Variants in KAZALD1 observed in about 807,000 individuals in gnomAD.
The protein encoded by KAZALD1 is kazal-type serine protease inhibitor domain-containing protein 1.
Under a neutral mutation model 27.7 loss-of-function variants are expected in KAZALD1, and 31 were observed. The observed-to-expected ratio is 1.12, with a 90% CI of 0.84 to 1.51. KAZALD1 has a LOEUF of 1.51. Among genes scored for constraint, KAZALD1 ranks in the 40% most tolerant of loss-of-function variants. KAZALD1 has a pLI of 0.00. For synonymous variants in KAZALD1, 179 were observed against 182.0 expected (o/e 0.98, Z 0.13); for missense variants, 444 against 408.9 (o/e 1.09, Z -0.74).
Position 101,065,783 on chromosome 10 carries a change from A to G in KAZALD1, c.*863A>G, listed in dbSNP as rs1269739862. On this transcript the variant is annotated 3_prime_UTR_variant, in exon 5 of 5. Coordinates refer to ENST00000370200, the MANE Select transcript of KAZALD1 (RefSeq NM_030929.5). ...AGGCTGGAGCCATATGGCTGGAGGG[A>G]AGTTATCTTCCCCGTCTGCCCTCCA... Among the ~76,000 whole-genome samples, 2 of 152,166 alleles carry G rather than the reference A, an allele frequency of 1.3e-5. No homozygotes were observed. Among genetic ancestry groups the G allele is most frequent in the African/African-American group, 4.8e-5 (2 of 41,436 alleles).
At position 101,062,568 on chromosome 10, in the gene KAZALD1, G is replaced by A. The variant is rs752014662; in HGVS notation, c.-25G>A. The A allele has an allele frequency of 6.3e-7, 1 of 1,577,702 alleles. No individual in the cohort carries two copies. The highest frequency in any genetic ancestry group is 2.3e-5 in the East Asian group (1 of 43,340). On this transcript the variant is annotated 5_prime_UTR_variant, in exon 2 of 5. The change creates a new upstream start codon in the 5' untranslated region. Coordinates refer to ENST00000370200, the MANE Select transcript of KAZALD1 (RefSeq NM_030929.5). ...GTGCCCGAACGCGCTGATGCCCCGAGTGCTCGCAGGGCTTCCCGCTAACCA... is the reference window on the plus strand; with the variant it reads ...GTGCCCGAACGCGCTGATGCCCCGAATGCTCGCAGGGCTTCCCGCTAACCA...
At chr10:101,067,302 C>A (rs1022640595), downstream of KAZALD1, 5 of 456,716 alleles carry the variant, frequency 1.1e-5, no homozygotes, top group Middle Eastern at 1.3e-3. Context: ...AGTTGCCAGG[C>A]CTGAAGGCGG....
intron 4 of KAZALD1, 88 bp from the exon 5 acceptor site, chr10:101,064,737 CA>C (rs1939273591): frequency 6.2e-7 from 1 of 1,600,298 alleles, no homozygotes; most frequent in Non-Finnish European, 8.6e-7. Context: ...TGTCTGTATA[CA>C]CAAGCATAGC....
At position 101,064,592 on chromosome 10, in the gene KAZALD1, G is replaced by C. The variant is rs807037; in HGVS notation, c.764G>C (p.Gly255Ala). 0.65 allele frequency: 1,047,746 copies of C among 1,613,692 alleles called. 342,283 individuals are homozygous for C. Among genetic ancestry groups the C allele is most frequent in the Non-Finnish European group, 0.67 (784,644 of 1,179,912 alleles). ...GATGAGGGCACTTACCGCTGCCTTG[G>C]CCGCAATGCCCTGGGTCAAGTGGAG... ...PSDEGTYRCLGRNALGQVEAP... is the reference protein window; with the variant it reads ...PSDEGTYRCLARNALGQVEAP... Residue 255 changes from glycine to alanine, a missense_variant, in exon 4 of 5, where the codon GGC becomes GCC. Coordinates refer to ENST00000370200, the MANE Select transcript of KAZALD1 (RefSeq NM_030929.5).
Position 101,064,530 on chromosome 10 carries a change from G to A in KAZALD1, c.702G>A (p.Val234=), listed in dbSNP as rs747910317. The change falls in exon 4 of 5, where the codon GTG becomes GTA. Residue 234 remains valine, a synonymous_variant. Coordinates refer to ENST00000370200, the MANE Select transcript of KAZALD1 (RefSeq NM_030929.5). The part of the protein sequence containing the change: ...QFRGGPQRFE[V]TGWLQIQAVR... The stretch of plus-strand genomic sequence containing the variant: ...GGGGTGGACCCCAGAGGTTTGAGGT[G>A]ACTGGCTGGCTGCAGATCCAGGCTG... 2.1e-5 allele frequency: 34 copies of A among 1,614,102 alleles called. No homozygotes were observed. In the South Asian group the frequency reaches 3.5e-4, roughly 17 times the overall value.
Position 101,062,587 on chromosome 10 carries a change from C to CT in KAZALD1, c.-5dup. ...CCCCGAGTGCTCGCAGGGCTTCCCG[C>CT]TAACCATGCTGCCGCCGCCGCGGCC... On this transcript the variant is annotated 5_prime_UTR_variant, in exon 2 of 5. The change creates a premature stop within an existing upstream ORF in the 5' untranslated region. Coordinates refer to ENST00000370200, the MANE Select transcript of KAZALD1 (RefSeq NM_030929.5). The CT allele has an allele frequency of 6.3e-7, 1 of 1,584,866 alleles. No homozygotes were observed. The highest frequency in any genetic ancestry group is 8.5e-7 in the Non-Finnish European group (1 of 1,174,800).
chr10:101,064,931 C>G lies in KAZALD1; in HGVS notation c.*11C>G. 1 of 1,597,432 alleles carries G rather than the reference C, an allele frequency of 6.3e-7. No homozygotes were observed. Among genetic ancestry groups the G allele is most frequent in the Non-Finnish European group, 8.6e-7 (1 of 1,164,926 alleles). On this transcript the variant is annotated 3_prime_UTR_variant, in exon 5 of 5. Transcript: ENST00000370200. The stretch of plus-strand genomic sequence containing the variant: ...GACGATTACTACTAGGTCCAGAGCT[C>G]TGGCCCATGGGGGTGGGTGAGCGGC...
Position 101,066,660 on chromosome 10 carries a change from T to C in KAZALD1, c.*1740T>C. ...TCAGCCAGGGAATCCGCCCCTAGCT[T>C]GTTCTTCGCCCAGCTGGGCTCCAAG... On this transcript the variant is annotated 3_prime_UTR_variant, in exon 5 of 5. Coordinates refer to ENST00000370200, the MANE Select transcript of KAZALD1 (RefSeq NM_030929.5). The C allele has an allele frequency of 2.7e-6, 1 of 370,944 alleles. No individual in the cohort carries two copies. Among genetic ancestry groups the C allele is most frequent in the Non-Finnish European group, 5.4e-6 (1 of 183,490 alleles). The allele number at this position is 370,944 out of a possible 1,614,324, so 23.0% of individuals were successfully genotyped here.
In KAZALD1 at chr10:101,062,756, C is replaced by G. The variant is rs898863410; in HGVS notation, c.164C>G (p.Pro55Arg). ...RLLAEGEGCAPCRPEECAAPR... is the reference protein window; with the variant it reads ...RLLAEGEGCARCRPEECAAPR... ...CTAGCGGAGGGCGAGGGCTGCGCTC[C>G]CTGCCGGCCAGAAGAGTGCGCCGCG... is the stretch of plus-strand genomic sequence containing the variant. The change falls in exon 2 of 5, where the codon CCC becomes CGC. Residue 55 changes from proline to arginine, a missense_variant. Pro to Arg is a moderately radical substitution (Grantham distance 103, BLOSUM62 -2). Coordinates refer to ENST00000370200, the MANE Select transcript of KAZALD1 (RefSeq NM_030929.5). 5 of 1,547,630 alleles carry G rather than the reference C, an allele frequency of 3.2e-6. No homozygotes were observed. The highest frequency in any genetic ancestry group is 4.3e-6 in the Non-Finnish European group (5 of 1,156,550).
At chr10:101,067,336 T>C (rs1564658989), downstream of KAZALD1, 2 of 456,526 alleles carry the variant, frequency 4.4e-6, no homozygotes, top group South Asian at 3.1e-5. Context: ...GCACCCTACA[T>C]TTCCCACCTC....
chr10:101,064,950 G>A lies in KAZALD1; in HGVS notation c.*30G>A. Reference sequence around the variant, plus strand: ...AGAGCTCTGGCCCATGGGGGTGGGTGAGCGGCTATAGTGTTCATCCCTGCT... The same window carrying A: ...AGAGCTCTGGCCCATGGGGGTGGGTAAGCGGCTATAGTGTTCATCCCTGCT... On this transcript the variant is annotated 3_prime_UTR_variant, in exon 5 of 5. Transcript: ENST00000370200. The A allele has an allele frequency of 6.6e-7, 1 of 1,516,640 alleles. No individual in the cohort carries two copies. The highest frequency in any genetic ancestry group is 9.2e-7 in the Non-Finnish European group (1 of 1,091,936). The allele number at this position is 1,516,640 out of a possible 1,614,324, so 93.9% of individuals were successfully genotyped here.
At position 101,065,678 on chromosome 10, in the gene KAZALD1, G is replaced by GGCCT. The variant is rs1404875236; in HGVS notation, c.*761_*764dup. ...GAACTCTGGCTTCCAGAAGCTGCAG[G>GGCCT]GCCTGCTCTCTAAGCACATGCCTGC... On this transcript the variant is annotated 3_prime_UTR_variant, in exon 5 of 5. Transcript: ENST00000370200. The GGCCT allele has an allele frequency of 6.6e-6, 1 of 152,300 alleles. No individual in the cohort carries two copies. The highest frequency in any genetic ancestry group is 2.4e-5 in the African/African-American group (1 of 41,454). The allele number at this position is 152,300 out of a possible 1,614,324, so 9.4% of individuals were successfully genotyped here.
downstream of KAZALD1, chr10:101,067,623 G>T (rs1296740896): frequency 2.9e-6 from 1 of 339,892 alleles, no homozygotes; most frequent in Non-Finnish European, 5.8e-6. Flanking sequence ...CTGTCGTGAG[G>T]AGGAGGGCCG....
downstream of KAZALD1, chr10:101,067,740 A>G: frequency 1.7e-5 from 6 of 360,000 alleles, no homozygotes; most frequent in South Asian, 1.1e-4. Context: ...CGCCCTGGTG[A>G]CCGGGGGGGT....
intron 2 of KAZALD1, 87 bp from the exon 3 acceptor site, chr10:101,064,174 C>A: frequency 6.9e-7 from 1 of 1,443,476 alleles, no homozygotes; most frequent in Non-Finnish European, 9.6e-7. Context: ...ACAAGCATGT[C>A]CACAAAAATT....
Position 101,066,231 on chromosome 10 carries a change from G to T in KAZALD1, c.*1311G>T. The T allele has an allele frequency of 2.8e-6, 1 of 355,692 alleles. No homozygotes were observed. The allele number at this position is 355,692 out of a possible 1,614,324, so 22.0% of individuals were successfully genotyped here. On this transcript the variant is annotated 3_prime_UTR_variant, in exon 5 of 5. Coordinates refer to ENST00000370200, the MANE Select transcript of KAZALD1 (RefSeq NM_030929.5). ...CCTCCTACACGCCAGGGCTCCACCCGGATCCTGGCGCCACTGCGGGAGGGC... is the reference window on the plus strand; with the variant it reads ...CCTCCTACACGCCAGGGCTCCACCCTGATCCTGGCGCCACTGCGGGAGGGC...
At position 101,066,787 on chromosome 10, in the gene KAZALD1, G is replaced by A; in HGVS notation, c.*1867G>A. The A allele has an allele frequency of 5.9e-6, 2 of 338,572 alleles. No individual in the cohort carries two copies. The highest frequency in any genetic ancestry group is 4.6e-5 in the South Asian group (2 of 43,028). 21.0% of individuals were successfully genotyped at this position (338,572 alleles called of 1,614,324 possible). A position where few individuals can be genotyped will look rare whatever the true frequency, so the allele number is the denominator to read the frequency against. On this transcript the variant is annotated 3_prime_UTR_variant, in exon 5 of 5. Coordinates refer to ENST00000370200, the MANE Select transcript of KAZALD1 (RefSeq NM_030929.5). ...CGGAGAGGGTCACGCAGGTCCCGGG[G>A]AATCCGCACTCCTTAATCGCGTTAG...
downstream of KAZALD1, chr10:101,067,206 T>C (rs1939346504): frequency 2.2e-6 from 1 of 451,492 alleles, no homozygotes; most frequent in East Asian, 7.1e-5. Context: ...CGGTTTCGCC[T>C]GCCCACGGGC....
In KAZALD1 at chr10:101,062,536, T is replaced by C; in HGVS notation, c.-51-6T>C. 1.9e-6 allele frequency: 3 copies of C among 1,547,702 alleles called. No homozygotes were observed. Among genetic ancestry groups the C allele is most frequent in the African/African-American group, 1.4e-5 (1 of 71,638 alleles). ...GACCTCCTGACCTGGCTTCCCTTCC[T>C]GGCAGGGTGCCCGAACGCGCTGATG... On this transcript the variant is annotated splice_polypyrimidine_tract_variant and splice_region_variant and intron_variant, in intron 1 of 4. Transcript: ENST00000370200.
Sources: gnomAD v4.1 joint callset for allele counts (sites outside exome capture counted in the v4.1 genomes callset) on GRCh38, gnomAD v4.1.1 for gene constraint, MANE v1.5 for transcripts, NCBI Gene and HGNC (gene_info 2026-07-23, HGNC 2026-07-21) for gene names.